The following PRDM16 variants were observed in gnomAD, a reference collection of about 807,000 sequenced individuals.
PRDM16 encodes the protein PR/SET domain 16.
PRDM16 carries 23 observed loss-of-function variants against 110.6 expected under a neutral mutation model. That is an observed-to-expected ratio of 0.21 (90% confidence interval 0.15 to 0.29). The LOEUF is 0.29. Among genes scored for constraint, PRDM16 ranks in the 10% least tolerant of loss-of-function variants. The probability of loss-of-function intolerance (pLI) is 1.00; values close to 1 mark genes in which losing one functional copy is unlikely to be tolerated. For synonymous variants in PRDM16, 799 were observed against 781.8 expected (o/e 1.02, Z -0.37); for missense variants, 1,615 against 1,794.3 (o/e 0.90, Z 1.81).
At chr1:3,134,224 CAG>C (rs1424710690) in intron 1 of PRDM16, among the ~76,000 whole-genome samples, 1 of 152,162 alleles carries the variant, frequency 6.6e-6, no homozygotes, top group Non-Finnish European at 1.5e-5. Context: ...GAGGCTCCCA[CAG>C]AGAGGGGATT....
chr1:3,306,431 C>G lies in PRDM16; in HGVS notation c.438+62294C>G, dbSNP rs534800294. On this transcript the variant is annotated intron_variant, in intron 3 of 16. Transcript: ENST00000270722. ...CCTCTCAACAGGAAGACTTGATCGT[C>G]TGGAAGAACTCAGGTGCTGACAGGT... Among the ~76,000 whole-genome samples, 3 of 152,290 alleles carry G rather than the reference C, an allele frequency of 2.0e-5. No individual in the cohort carries two copies. In the East Asian group the frequency reaches 5.8e-4, roughly 29 times the overall value.
chr1:3,233,657 AT>A (rs1639471394), intron 2 of PRDM16, among the ~76,000 whole-genome samples: 1 of 152,186 alleles, frequency 6.6e-6, no homozygotes, highest in African/African-American at 2.4e-5. Context: ...TGTTGCCTAC[AT>A]AACTTTACTA....
chr1:3,213,798 C>G lies in PRDM16; in HGVS notation c.387+27324C>G, dbSNP rs77388252. Among the ~76,000 whole-genome samples, 1 of 152,092 alleles carries G rather than the reference C, an allele frequency of 6.6e-6. No homozygotes were observed. The highest frequency in any genetic ancestry group is 1.5e-5 in the Non-Finnish European group (1 of 67,984). On this transcript the variant is annotated intron_variant, in intron 2 of 16. Transcript: ENST00000270722. This position sits in a 1 kb window ranked among gnomAD's most constrained non-coding sequence, Gnocchi z 5.3. ...ACCTACAAACAAGGTCAGCCAGGGC[C>G]GTAGACCAAGGACTCCCGAGGCCAA...
At chr1:3,086,256 G>C (rs1359290814) in intron 1 of PRDM16, among the ~76,000 whole-genome samples, 2 of 152,134 alleles carry the variant, frequency 1.3e-5, no homozygotes, top group Non-Finnish European at 2.9e-5. Context: ...GTGACAGCCA[G>C]GGCGGCTGAG....
Position 3,385,306 on chromosome 1 carries a change from A to C in PRDM16, c.573+20A>C. 6.2e-7 allele frequency: 1 copy of C among 1,612,702 alleles called. No individual in the cohort carries two copies. Among genetic ancestry groups the C allele is most frequent in the African/African-American group, 1.3e-5 (1 of 75,030 alleles). On this transcript the variant is annotated intron_variant, in intron 4 of 16. Coordinates refer to ENST00000270722, the MANE Select transcript of PRDM16 (RefSeq NM_022114.4). The stretch of plus-strand genomic sequence containing the variant: ...GAGCAGGTAGGTCCGGGCTCATAAC[A>C]GGGGCTTCTGCCTCTTGGAATTGTC...
At chr1:3,142,954 G>A (rs549313650) in intron 1 of PRDM16, among the ~76,000 whole-genome samples, 4 of 152,344 alleles carry the variant, frequency 2.6e-5, no homozygotes, top group Admixed American at 6.5e-5. Context: ...ACCCAGGTGC[G>A]ATGCTGATCT....
chr1:3,332,458 G>GC (rs930599808), intron 3 of PRDM16, among the ~76,000 whole-genome samples: 40 of 152,144 alleles, frequency 2.6e-4, no homozygotes, highest in East Asian at 3.9e-4. Context: ...GCGTGGCCTG[G>GC]CCCCCCCTCG....
intron 1 of PRDM16, among the ~76,000 whole-genome samples, chr1:3,072,873 C>G (rs533559453): frequency 6.6e-6 from 1 of 152,392 alleles, no homozygotes; most frequent in East Asian, 1.9e-4. Context: ...CTGTGTGTCA[C>G]CCACAGGCCC....
At chr1:3,224,991 G>A (rs1286411388) in intron 2 of PRDM16, among the ~76,000 whole-genome samples, 1 of 152,226 alleles carries the variant, frequency 6.6e-6, no homozygotes, top group East Asian at 1.9e-4. Flanking sequence ...AAAGGCCAAG[G>A]GCATCACCTT....
intron 15 of PRDM16, among the ~76,000 whole-genome samples, chr1:3,431,449 C>T (rs1003777596): frequency 6.6e-5 from 10 of 152,252 alleles, no homozygotes; most frequent in Non-Finnish European, 1.2e-4. Flanking sequence ...ACTAGAGGGC[C>T]GTGGGCACAC....
chr1:3,120,590 C>T (rs778285166), intron 1 of PRDM16, among the ~76,000 whole-genome samples: 36 of 152,032 alleles, frequency 2.4e-4, no homozygotes, highest in Non-Finnish European at 4.4e-4. Flanking sequence ...CTCGGGAGAC[C>T]CCCACCCCTC....
intron 1 of PRDM16, among the ~76,000 whole-genome samples, chr1:3,155,507 G>A (rs1643846265): frequency 6.6e-6 from 1 of 152,236 alleles, no homozygotes; most frequent in Non-Finnish European, 1.5e-5. Context: ...TGTTCCCGAG[G>A]CACTTGCTCC....
chr1:3,186,228 C>G lies in PRDM16; in HGVS notation c.141C>G (p.Pro47=). ...EAEDSAMSPI[P]VGPPSPFPTS... is the part of the protein sequence containing the mutation. ...AGGACAGTGCCATGTCGCCCATCCC[C>G]GTGGGGCCACCGTCCCCCTTCCCCA... The change falls in exon 2 of 17, where the codon CCC becomes CCG. Residue 47 remains proline, a synonymous_variant. Coordinates refer to ENST00000270722, the MANE Select transcript of PRDM16 (RefSeq NM_022114.4). 2.5e-6 allele frequency: 4 copies of G among 1,612,588 alleles called. No homozygotes were observed. Among genetic ancestry groups the G allele is most frequent in the Non-Finnish European group, 3.4e-6 (4 of 1,179,826 alleles).
chr1:3,424,557 A>G (rs927158396), intron 12 of PRDM16, among the ~76,000 whole-genome samples: 2 of 152,262 alleles, frequency 1.3e-5, no homozygotes, highest in African/African-American at 4.8e-5. Context: ...GCAGGCCGGC[A>G]GCAGCCCTGC....
At chr1:3,272,117 C>A (rs557616575) in intron 3 of PRDM16, among the ~76,000 whole-genome samples, 1 of 152,214 alleles carries the variant, frequency 6.6e-6, no homozygotes, top group South Asian at 2.1e-4. Flanking sequence ...GGTGGCCAGG[C>A]AGTGCTCAAA....
intron 2 of PRDM16, 42 bp downstream of exon 2, chr1:3,186,516 T>G (rs1286947191): frequency 7.9e-7 from 1 of 1,271,668 alleles, no homozygotes; most frequent in South Asian, 1.5e-5. Context: ...CGGCCATTTA[T>G]CTTGTGTTCA....
intron 1 of PRDM16, among the ~76,000 whole-genome samples, chr1:3,126,186 C>T (rs1311339759): frequency 6.6e-6 from 1 of 152,246 alleles, no homozygotes; most frequent in Non-Finnish European, 1.5e-5. Flanking sequence ...GGCCGCTCTT[C>T]CCGGCCCAGC....
chr1:3,284,222 C>T (rs866125277), intron 3 of PRDM16, among the ~76,000 whole-genome samples: 2 of 152,224 alleles, frequency 1.3e-5, no homozygotes, highest in African/African-American at 4.8e-5. Flanking sequence ...CGACATTAAG[C>T]GTCCCAGGTT....
intron 1 of PRDM16, among the ~76,000 whole-genome samples, chr1:3,108,340 CT>C (rs1193442614): frequency 6.6e-6 from 1 of 152,206 alleles, no homozygotes; most frequent in African/African-American, 2.4e-5. Flanking sequence ...AGGTAGGGAT[CT>C]AACTTTTCTT....
Sources: gnomAD v4.1 joint callset for allele counts (sites outside exome capture counted in the v4.1 genomes callset) on GRCh38, gnomAD v4.1.1 for gene constraint, Gnocchi (gnomAD v3.1) non-coding constraint, MANE v1.5 for transcripts, NCBI Gene and HGNC (gene_info 2026-07-23, HGNC 2026-07-21) for gene names.